Variants in ZNF475 observed in about 807,000 individuals in gnomAD.
The protein encoded by ZNF475 is zinc finger protein 475.
the ZNF475 span, among the ~76,000 whole-genome samples, chr5:122,169,212 C>G: frequency 2.0e-5 from 3 of 152,178 alleles, no homozygotes; most frequent in Non-Finnish European, 4.4e-5. Context: ...GGGAGTTCTC[C>G]TCTCTCCTGT....
the ZNF475 span, among the ~76,000 whole-genome samples, chr5:122,180,961 C>T: frequency 2.6e-5 from 4 of 152,160 alleles, no homozygotes; most frequent in East Asian, 1.9e-4. Flanking sequence ...CTCTTTCCAG[C>T]ATTTCTCATT....
At chr5:122,160,328 T>C in the ZNF475 span, 4 of 1,203,304 alleles carry the variant, frequency 3.3e-6, no homozygotes, top group Non-Finnish European at 4.4e-6. Flanking sequence ...TTTGTGTATA[T>C]GTATTACATG....
the ZNF475 span, among the ~76,000 whole-genome samples, chr5:122,181,175 CTG>C: frequency 6.6e-6 from 1 of 152,160 alleles, no homozygotes; most frequent in Non-Finnish European, 1.5e-5. Context: ...TTATTTATCT[CTG>C]AGGATGCCCT....
chr5:122,170,098 T>C, the ZNF475 span, among the ~76,000 whole-genome samples: 1 of 152,218 alleles, frequency 6.6e-6, no homozygotes, highest in Admixed American at 6.5e-5. Context: ...CAAAATAAAA[T>C]AGTATTGGAA....
chr5:122,168,602 G>A, the ZNF475 span, among the ~76,000 whole-genome samples: 2 of 152,276 alleles, frequency 1.3e-5, no homozygotes, highest in South Asian at 4.1e-4. Context: ...AGTCCCAGCT[G>A]CTCCAGAGGC....
At chr5:122,169,086 A>G in the ZNF475 span, among the ~76,000 whole-genome samples, 2 of 152,122 alleles carry the variant, frequency 1.3e-5, no homozygotes, top group Non-Finnish European at 2.9e-5. Flanking sequence ...TCACTTGTAC[A>G]CTTCCTCTAA....
At chr5:122,178,593 TC>T in the ZNF475 span, among the ~76,000 whole-genome samples, 1 of 152,250 alleles carries the variant, frequency 6.6e-6, no homozygotes, top group African/African-American at 2.4e-5. Flanking sequence ...CTTGTTTTTT[TC>T]TTGTGAAGTT....
At chr5:122,169,219 C>T in the ZNF475 span, among the ~76,000 whole-genome samples, 1 of 152,194 alleles carries the variant, frequency 6.6e-6, no homozygotes, top group Non-Finnish European at 1.5e-5. Context: ...CTCCTCTCTC[C>T]TGTACAGTTC....
chr5:122,178,818 T>C, the ZNF475 span, among the ~76,000 whole-genome samples: 1 of 152,248 alleles, frequency 6.6e-6, no homozygotes, highest in Admixed American at 6.5e-5. Context: ...CCCATGCCTA[T>C]GTCCTGAATG....
At chr5:122,161,453 TG>T in the ZNF475 span, among the ~76,000 whole-genome samples, 3,764 of 152,314 alleles carry the variant, frequency 0.025, 164 homozygotes, top group African/African-American at 0.085. Flanking sequence ...GGGTCAACTC[TG>T]ATAGGAAAAT....
the ZNF475 span, among the ~76,000 whole-genome samples, chr5:122,168,429 G>A: frequency 1.3e-3 from 192 of 152,362 alleles, no homozygotes; most frequent in African/African-American, 4.4e-3. Flanking sequence ...AGATGGTTTA[G>A]TGTATAAAAA....
the ZNF475 span, among the ~76,000 whole-genome samples, chr5:122,161,129 G>A: frequency 1.3e-5 from 2 of 152,192 alleles, no homozygotes; most frequent in South Asian, 2.1e-4. Context: ...TTTATGTTGT[G>A]TAGTGCTCCT....
At chr5:122,178,404 C>G in the ZNF475 span, among the ~76,000 whole-genome samples, 1 of 152,238 alleles carries the variant, frequency 6.6e-6, no homozygotes, top group Non-Finnish European at 1.5e-5. Context: ...TCTCCAGCAT[C>G]TGTTGTTTCC....
the ZNF475 span, among the ~76,000 whole-genome samples, chr5:122,160,851 T>G: frequency 6.6e-6 from 1 of 152,246 alleles, no homozygotes; most frequent in African/African-American, 2.4e-5. Flanking sequence ...CTAGTGATCA[T>G]GCATACTGAA....
chr5:122,177,524 A>T, the ZNF475 span, among the ~76,000 whole-genome samples: 14 of 152,318 alleles, frequency 9.2e-5, no homozygotes, highest in Admixed American at 3.3e-4. Flanking sequence ...TAGTACCAAT[A>T]TGAAGAATTC....
At chr5:122,170,192 G>A in the ZNF475 span, among the ~76,000 whole-genome samples, 2 of 152,162 alleles carry the variant, frequency 1.3e-5, no homozygotes, top group African/African-American at 4.8e-5. Context: ...CACCAAATGT[G>A]TGGATTTTTT....
At chr5:122,181,771 A>G in the ZNF475 span, among the ~76,000 whole-genome samples, 1 of 152,228 alleles carries the variant, frequency 6.6e-6, no homozygotes, top group African/African-American at 2.4e-5. Context: ...AAGGTTTATT[A>G]AAGCTAAATG....
At chr5:122,165,051 T>G in the ZNF475 span, among the ~76,000 whole-genome samples, 2 of 152,362 alleles carry the variant, frequency 1.3e-5, no homozygotes, top group African/African-American at 2.4e-5. Flanking sequence ...AAGTTCTCAG[T>G]TCTGTACCCA....
At chr5:122,174,059 A>T in the ZNF475 span, among the ~76,000 whole-genome samples, 1 of 152,284 alleles carries the variant, frequency 6.6e-6, no homozygotes, top group African/African-American at 2.4e-5. Flanking sequence ...CTGCCCTCAC[A>T]TAACCTCCTC....
Sources: gnomAD v4.1 joint callset for allele counts (sites outside exome capture counted in the v4.1 genomes callset) on GRCh38, gnomAD v4.1.1 for gene constraint, MANE v1.5 for transcripts, NCBI Gene and HGNC (gene_info 2026-07-23, HGNC 2026-07-21) for gene names.